The following COG5 variants were observed in gnomAD, a reference collection of about 807,000 sequenced individuals.
COG5 encodes the protein component of oligomeric golgi complex 5.
In COG5, 86 loss-of-function variants were observed where a neutral mutation model predicts 110.4. That is an observed-to-expected ratio of 0.78 (90% confidence interval 0.65 to 0.93). The LOEUF (loss-of-function observed/expected upper bound fraction) is 0.93, where lower values mean the gene tolerates loss of function less well. Ranked by LOEUF, COG5 falls within the 40% of genes least tolerant of loss-of-function variation. The pLI is 0.00. For synonymous variants in COG5, 360 were observed against 334.6 expected (o/e 1.08, Z -0.83); for missense variants, 1,077 against 987.0 (o/e 1.09, Z -1.22).
chr7:107,391,890 G>A (rs936933953), intron 7 of COG5, among the ~76,000 whole-genome samples: 1 of 152,134 alleles, frequency 6.6e-6, no homozygotes, highest in Non-Finnish European at 1.5e-5. Context: ...AGGAGTTCGA[G>A]ACCACCCTGG....
intron 13 of COG5, 59 bp from the exon 14 acceptor site, chr7:107,281,458 G>C (rs1387358721): frequency 1.6e-6 from 2 of 1,264,534 alleles, no homozygotes; most frequent in Non-Finnish European, 2.3e-6. Context: ...ACAAAGTAAA[G>C]AGCAAGATAA....
chr7:107,554,265 A>G lies in COG5; in HGVS notation c.292+20T>C. On this transcript the variant is annotated intron_variant, in intron 3 of 21. Transcript: ENST00000297135. ...CCTGGTCTAGCTCTACATAATCTCT[A>G]GCAGTTATTAGAAATATACCTTCCA... The G allele has an allele frequency of 6.2e-7, 1 of 1,608,014 alleles. No homozygotes were observed. Among genetic ancestry groups the G allele is most frequent in the Non-Finnish European group, 8.5e-7 (1 of 1,174,476 alleles).
At chr7:107,294,968 TATATATATACAC>T (rs1562955420) in intron 12 of COG5, among the ~76,000 whole-genome samples, 3 of 132,090 alleles carry the variant, frequency 2.3e-5, no homozygotes, top group African/African-American at 8.4e-5. Context: ...TATACACACA[TATATATATACAC>T]ATATATACAC....
At chr7:107,445,891 C>T (rs1794978341) in intron 6 of COG5, among the ~76,000 whole-genome samples, 1 of 152,154 alleles carries the variant, frequency 6.6e-6, no homozygotes, top group Admixed American at 6.5e-5. Context: ...GGACTTAAGT[C>T]CTAAAATTGT....
chr7:107,344,920 T>C lies in COG5; in HGVS notation c.1026+17113A>G, dbSNP rs138202142. Reference sequence around the variant, plus strand: ...TTGCATTTACAACTTGGCTAATTAGTATAAGAAACCTAGTGTTCAGCATTT... The same window carrying C: ...TTGCATTTACAACTTGGCTAATTAGCATAAGAAACCTAGTGTTCAGCATTT... On this transcript the variant is annotated intron_variant, in intron 10 of 21. Transcript: ENST00000297135. 6.6e-5 allele frequency among the ~76,000 whole-genome samples: 10 copies of C among 152,326 alleles called. No individual in the cohort carries two copies. In the East Asian group the frequency reaches 1.9e-3, roughly 29 times the overall value.
intron 19 of COG5, among the ~76,000 whole-genome samples, chr7:107,220,126 T>C (rs1421891908): frequency 6.6e-6 from 1 of 152,218 alleles, no homozygotes; most frequent in South Asian, 2.1e-4. Context: ...TCTTTTAGAA[T>C]ATCAGCTGTA....
intron 10 of COG5, among the ~76,000 whole-genome samples, chr7:107,341,287 C>G (rs1225880331): frequency 6.6e-6 from 1 of 151,822 alleles, no homozygotes; most frequent in East Asian, 1.9e-4. Context: ...TAGCCACACA[C>G]AAAAAATGAA....
intron 5 of COG5, among the ~76,000 whole-genome samples, chr7:107,532,530 A>AAT (rs990796757): frequency 4.6e-5 from 7 of 152,080 alleles, no homozygotes; most frequent in African/African-American, 7.2e-5. Context: ...CATATGCACA[A>AAT]ATATATATAT....
At chr7:107,265,164 G>A (rs776041233) in intron 14 of COG5, among the ~76,000 whole-genome samples, 5 of 152,126 alleles carry the variant, frequency 3.3e-5, no homozygotes, top group African/African-American at 9.7e-5. Flanking sequence ...AAGATAATAC[G>A]ACAAGATAAA....
At chr7:107,390,237 A>T (rs565499160) in intron 7 of COG5, among the ~76,000 whole-genome samples, 3 of 152,230 alleles carry the variant, frequency 2.0e-5, no homozygotes, top group Non-Finnish European at 1.5e-5. Flanking sequence ...CTCAGCCATA[A>T]TCATCCCGGC....
chr7:107,230,636 T>C lies in COG5; in HGVS notation c.2147A>G (p.Tyr716Cys), dbSNP rs202183987. ...CRRVSDLGKS[Y>C]RMLRSFRPLL... is the part of the protein sequence containing the mutation. Reference sequence around the variant, plus strand: ...TTACCTGAATGATCTCAGCATCCGATAGGACTTTCCTAAATCAGATACTCG... The same window carrying C: ...TTACCTGAATGATCTCAGCATCCGACAGGACTTTCCTAAATCAGATACTCG... The change falls in exon 19 of 22, where the codon TAT (tyrosine) becomes TGT (cysteine). Residue 716 changes from tyrosine to cysteine, a missense_variant. By Grantham distance (194) the Tyr-to-Cys change is radical. Transcript: ENST00000297135. 21 of 1,613,122 alleles carry C rather than the reference T, an allele frequency of 1.3e-5. No individual in the cohort carries two copies. In the East Asian group the frequency reaches 2.0e-4, roughly 15 times the overall value.
chr7:107,471,043 T>C (rs1412111843), intron 6 of COG5, among the ~76,000 whole-genome samples: 1 of 152,022 alleles, frequency 6.6e-6, no homozygotes, highest in Admixed American at 6.6e-5. Context: ...GTATGTTTAG[T>C]GTATGCTAAT....
chr7:107,329,427 T>C (rs1312454267), intron 10 of COG5, among the ~76,000 whole-genome samples: 3 of 152,174 alleles, frequency 2.0e-5, no homozygotes, highest in Admixed American at 6.5e-5. Flanking sequence ...TCTATATCTA[T>C]ATACCCATCT....
intron 7 of COG5, among the ~76,000 whole-genome samples, chr7:107,406,257 A>AAAAAATAG (rs1791829488): frequency 1.3e-5 from 2 of 151,952 alleles, no homozygotes; most frequent in Admixed American, 1.3e-4. Flanking sequence ...TAGTTCCCTG[A>AAAAAATAG]CTCCTATTTT....
At chr7:107,385,578 C>G (rs550143341) in intron 7 of COG5, among the ~76,000 whole-genome samples, 1 of 152,170 alleles carries the variant, frequency 6.6e-6, no homozygotes, top group South Asian at 2.1e-4. Context: ...ACCTTGAGGA[C>G]ATTTTGCTAA....
chr7:107,542,570 A>T (rs147355144), intron 5 of COG5, among the ~76,000 whole-genome samples: 252 of 152,366 alleles, frequency 1.7e-3, no homozygotes, highest in African/African-American at 5.8e-3. Flanking sequence ...TTTGTAAAAA[A>T]GTTTTCACAG....
chr7:107,387,499 T>C (rs1790296938), intron 7 of COG5, among the ~76,000 whole-genome samples: 1 of 152,218 alleles, frequency 6.6e-6, no homozygotes, highest in Non-Finnish European at 1.5e-5. Flanking sequence ...AGATTATAAT[T>C]TGCTGCTAAA....
chr7:107,267,480 AG>A lies in COG5; in HGVS notation c.1576-9098del, dbSNP rs559537230. Among the ~76,000 whole-genome samples, 13 of 152,346 alleles carry A rather than the reference AG, an allele frequency of 8.5e-5. No homozygotes were observed. In the South Asian group the frequency reaches 2.1e-3, roughly 24 times the overall value. On this transcript the variant is annotated intron_variant, in intron 14 of 21. Coordinates refer to ENST00000297135, the MANE Select transcript of COG5 (RefSeq NM_006348.5). ...CTGCATATTTTTAATTATTTGAAAA[AG>A]AAAGAACTGTTCACTTTCAGGTATG... is the stretch of plus-strand genomic sequence containing the variant.
chr7:107,236,740 T>G, intron 17 of COG5, 53 bp from the exon 18 acceptor site: 1 of 1,168,200 alleles, frequency 8.6e-7, no homozygotes, highest in Non-Finnish European at 1.3e-6. Context: ...ATCACACTCT[T>G]TGATTTTGTA....
Sources: gnomAD v4.1 joint callset for allele counts (sites outside exome capture counted in the v4.1 genomes callset) on GRCh38, gnomAD v4.1.1 for gene constraint, MANE v1.5 for transcripts, NCBI Gene and HGNC (gene_info 2026-07-23, HGNC 2026-07-21) for gene names.